Variants in SLC25A13 observed in about 807,000 individuals in gnomAD.
SLC25A13 encodes solute carrier family 25 member 13.
SLC25A13 carries 70 observed loss-of-function variants against 85.5 expected under a neutral mutation model. That is an observed-to-expected ratio of 0.82 (90% CI 0.68 to 1.00). SLC25A13 has a LOEUF of 1.00. Ranked by LOEUF, SLC25A13 falls within the 50% of genes least tolerant of loss-of-function variation. The pLI, the probability that SLC25A13 is intolerant of heterozygous loss-of-function variation, is 0.00. For missense variants in SLC25A13, 765 were observed against 819.8 expected, an observed-to-expected ratio of 0.93 and a Z score of 0.82; for synonymous variants, 259 against 288.7, an observed-to-expected ratio of 0.90 and a Z score of 1.04.
chr7:96,217,147 C>T (rs1795929767), intron 4 of SLC25A13, among the ~76,000 whole-genome samples: 1 of 152,172 alleles, frequency 6.6e-6, no homozygotes, highest in African/African-American at 2.4e-5. Flanking sequence ...CATTAGCCAT[C>T]AGGGAGATGA....
chr7:96,241,254 A>G (rs1270255440), intron 3 of SLC25A13, among the ~76,000 whole-genome samples: 2 of 152,080 alleles, frequency 1.3e-5, no homozygotes, highest in Non-Finnish European at 2.9e-5. Flanking sequence ...AAACAAAAAC[A>G]AAAAAACACC....
intron 7 of SLC25A13, among the ~76,000 whole-genome samples, chr7:96,190,827 G>A (rs1050901763): frequency 2.0e-5 from 3 of 151,978 alleles, no homozygotes; most frequent in African/African-American, 7.2e-5. Flanking sequence ...TGGCCAGGCT[G>A]GTCTCGAACT....
intron 4 of SLC25A13, among the ~76,000 whole-genome samples, chr7:96,216,537 G>T (rs187942047): frequency 6.6e-6 from 1 of 152,114 alleles, no homozygotes; most frequent in Non-Finnish European, 1.5e-5. Context: ...AAAAAATGTG[G>T]TATATATACA....
chr7:96,136,265 G>C (rs1049057161), intron 14 of SLC25A13, among the ~76,000 whole-genome samples: 2 of 152,130 alleles, frequency 1.3e-5, no homozygotes, highest in Admixed American at 6.5e-5. Flanking sequence ...ATTGACACAG[G>C]CCAATTAGAT....
At chr7:96,252,446 A>G (rs1015232216) in intron 3 of SLC25A13, among the ~76,000 whole-genome samples, 12 of 152,232 alleles carry the variant, frequency 7.9e-5, no homozygotes, top group African/African-American at 2.4e-4. Context: ...AGGTCAGGAC[A>G]TGTGACATTT....
chr7:96,205,035 G>A (rs1235754372), intron 5 of SLC25A13, among the ~76,000 whole-genome samples: 1 of 152,128 alleles, frequency 6.6e-6, no homozygotes, highest in African/African-American at 2.4e-5. Context: ...AGCCTCCCGA[G>A]TAGCTGGGAT....
chr7:96,228,514 G>A (rs956974868), intron 4 of SLC25A13, among the ~76,000 whole-genome samples: 2 of 152,248 alleles, frequency 1.3e-5, no homozygotes, highest in Non-Finnish European at 2.9e-5. Context: ...ATGCAATGAT[G>A]GCATGAGTGT....
chr7:96,120,939 C>T lies in SLC25A13; in HGVS notation c.*252G>A, dbSNP rs140968602. ...TTCCCCAAATCATGTTAGTGTTGAC[C>T]AAATCCCATCAATTTTCAGATGCAA... On this transcript the variant is annotated 3_prime_UTR_variant, in exon 18 of 18. Coordinates refer to ENST00000265631, the MANE Select transcript of SLC25A13 (RefSeq NM_014251.3). 25 of 602,746 alleles carry T rather than the reference C, an allele frequency of 4.1e-5. No individual in the cohort carries two copies. In the East Asian group the frequency reaches 9.0e-4, roughly 22 times the overall value. 37.3% of individuals were successfully genotyped at this position (602,746 alleles called of 1,614,324 possible).
rs895863527 is a variant in SLC25A13 at position 96,164,242 on chromosome 7, T to C, written c.1311+5803A>G. On this transcript the variant is annotated intron_variant, in intron 13 of 17. Coordinates refer to ENST00000265631, the MANE Select transcript of SLC25A13 (RefSeq NM_014251.3). Reference sequence around the variant, plus strand: ...GAACTCACCTTCTTAAGTCTGACACTATAGTGTGAGGAAGCTCACGCAGAT... The same window carrying C: ...GAACTCACCTTCTTAAGTCTGACACCATAGTGTGAGGAAGCTCACGCAGAT... Among the ~76,000 whole-genome samples, 3 of 152,164 alleles carry C rather than the reference T, an allele frequency of 2.0e-5. 1 individual carries two copies. The highest frequency in any genetic ancestry group is 1.5e-5 in the Non-Finnish European group (1 of 68,024).
intron 4 of SLC25A13, among the ~76,000 whole-genome samples, chr7:96,233,565 G>A (rs922580849): frequency 6.6e-6 from 1 of 152,160 alleles, no homozygotes; most frequent in Admixed American, 6.5e-5. Flanking sequence ...CATGCCAAAT[G>A]AGTATGACGG....
intron 1 of SLC25A13, among the ~76,000 whole-genome samples, chr7:96,315,654 T>C (rs529490394): frequency 4.6e-5 from 7 of 152,262 alleles, no homozygotes; most frequent in South Asian, 4.1e-4. Flanking sequence ...AGTGGAGCCA[T>C]AGATATTTGT....
intron 3 of SLC25A13, among the ~76,000 whole-genome samples, chr7:96,254,712 G>A (rs991806869): frequency 1.3e-5 from 2 of 152,114 alleles, no homozygotes; most frequent in African/African-American, 4.8e-5. Flanking sequence ...TGATAGAGCT[G>A]CCTTTTGGAT....
chr7:96,230,644 G>A (rs1489736546), intron 4 of SLC25A13, among the ~76,000 whole-genome samples: 3 of 152,110 alleles, frequency 2.0e-5, no homozygotes, highest in Non-Finnish European at 4.4e-5. Context: ...CAGAAGTAAG[G>A]CTGTACACCT....
At chr7:96,226,972 C>T (rs1223585872) in intron 4 of SLC25A13, among the ~76,000 whole-genome samples, 1 of 152,116 alleles carries the variant, frequency 6.6e-6, no homozygotes, top group African/African-American at 2.4e-5. Context: ...TGGTAACATT[C>T]CAACTCACAT....
intron 5 of SLC25A13, among the ~76,000 whole-genome samples, chr7:96,198,997 A>G (rs1246694360): frequency 6.6e-6 from 1 of 152,216 alleles, no homozygotes; most frequent in Non-Finnish European, 1.5e-5. Context: ...GGAAATTCAG[A>G]TAACAGGATT....
chr7:96,210,531 A>T (rs7811016), intron 4 of SLC25A13, among the ~76,000 whole-genome samples: 87,782 of 151,970 alleles, frequency 0.58, 25,942 homozygotes, highest in Non-Finnish European at 0.63. Flanking sequence ...TTTCTTGGGC[A>T]CTCACCATGT....
At chr7:96,145,150 T>A (rs561195716) in intron 14 of SLC25A13, among the ~76,000 whole-genome samples, 4 of 152,142 alleles carry the variant, frequency 2.6e-5, no homozygotes, top group African/African-American at 9.7e-5. Context: ...AAGTTCTACT[T>A]AAAAAAACAG....
At chr7:96,182,579 G>C (rs1373761975) in intron 11 of SLC25A13, among the ~76,000 whole-genome samples, 1 of 152,172 alleles carries the variant, frequency 6.6e-6, no homozygotes, top group Non-Finnish European at 1.5e-5. Context: ...TCATCTTACA[G>C]ATAAAAGAAC....
chr7:96,152,774 C>T (rs1584379696), intron 13 of SLC25A13, among the ~76,000 whole-genome samples: 1 of 152,116 alleles, frequency 6.6e-6, no homozygotes, highest in Non-Finnish European at 1.5e-5. Flanking sequence ...ACCGGTGGTA[C>T]AGCAATCCAG....
Sources: allele counts gnomAD v4.1 joint callset (sites outside exome capture counted in the v4.1 genomes callset), GRCh38; gene constraint gnomAD v4.1.1; transcripts MANE v1.5; gene names NCBI Gene and HGNC (gene_info 2026-07-23, HGNC 2026-07-21).